Variants in RBFOX1 observed in about 807,000 individuals in gnomAD.
The protein encoded by RBFOX1 is RNA binding fox-1 homolog 1, also known as RNA binding protein fox-1 homolog 1.
A neutral mutation model predicts 57.7 loss-of-function variants in RBFOX1; 8 were observed. The observed-to-expected ratio is 0.14, with a 90% CI of 0.08 to 0.25. The LOEUF is 0.25. Among genes scored for constraint, RBFOX1 ranks in the 10% least tolerant of loss-of-function variants. The probability of loss-of-function intolerance (pLI) is 1.00; values close to 1 mark genes in which losing one functional copy is unlikely to be tolerated. For missense variants in RBFOX1, 611 were observed against 548.5 expected (o/e 1.11, Z -1.14); for synonymous variants, 326 against 222.4 (o/e 1.47, Z -4.15).
chr16:7,067,433 C>G (rs1305426517), intron 4 of RBFOX1, among the ~76,000 whole-genome samples: 1 of 151,044 alleles, frequency 6.6e-6, no homozygotes, highest in East Asian at 1.9e-4. Flanking sequence ...TTTGGAGGCT[C>G]TAGGAGAGAA....
At chr16:6,139,870 G>C (rs2096701231) in intron 1 of RBFOX1, among the ~76,000 whole-genome samples, 1 of 152,154 alleles carries the variant, frequency 6.6e-6, no homozygotes, top group Non-Finnish European at 1.5e-5. Flanking sequence ...GAAAAGGGTG[G>C]ACAAAGGAAA....
intron 4 of RBFOX1, chr16:7,304,606 C>T (rs1249825707): frequency 1.6e-5 from 16 of 983,256 alleles, no homozygotes; most frequent in Non-Finnish European, 1.9e-5. Context: ...TCCCGCGTTG[C>T]GATGGAAAGG....
intron 4 of RBFOX1, among the ~76,000 whole-genome samples, chr16:7,405,358 C>A (rs530108979): frequency 9.2e-5 from 14 of 152,216 alleles, no homozygotes; most frequent in African/African-American, 3.4e-4. Context: ...TTAGCAGATG[C>A]AGCAGTTCAC....
At chr16:7,310,606 C>G (rs1032265353) in intron 4 of RBFOX1, among the ~76,000 whole-genome samples, 3 of 152,218 alleles carry the variant, frequency 2.0e-5, no homozygotes, top group African/African-American at 7.2e-5. Context: ...GGCACCACTT[C>G]CTAAGTCCTG....
intron 3 of RBFOX1, among the ~76,000 whole-genome samples, chr16:6,941,915 C>G (rs1368489411): frequency 6.6e-6 from 1 of 152,058 alleles, no homozygotes; most frequent in Non-Finnish European, 1.5e-5. Context: ...TCAAGCAGTC[C>G]TCCCGCTTCA....
At chr16:6,678,475 G>C (rs1042222174) in intron 3 of RBFOX1, among the ~76,000 whole-genome samples, 2 of 151,626 alleles carry the variant, frequency 1.3e-5, no homozygotes, top group Non-Finnish European at 2.9e-5. Flanking sequence ...CTGTGTGCGT[G>C]TATGGGTCCT....
chr16:7,596,253 C>G (rs747079749), intron 8 of RBFOX1, among the ~76,000 whole-genome samples: 3 of 149,552 alleles, frequency 2.0e-5, no homozygotes, highest in Non-Finnish European at 3.0e-5. Flanking sequence ...ATTTCCTGTT[C>G]AATATCTGGC....
At chr16:5,526,405 C>T (rs1397942097) in intron 2 of RBFOX1, among the ~76,000 whole-genome samples, 1 of 152,154 alleles carries the variant, frequency 6.6e-6, no homozygotes, top group African/African-American at 2.4e-5. Context: ...TCTCATGCTT[C>T]AGCCTCCCAA....
chr16:6,255,420 G>A (rs555987981), intron 1 of RBFOX1, among the ~76,000 whole-genome samples: 5 of 152,304 alleles, frequency 3.3e-5, no homozygotes, highest in African/African-American at 1.2e-4. Context: ...AGGACAGGAG[G>A]AGAGTGGAGG....
At chr16:6,618,285 G>T (rs180860906) in intron 2 of RBFOX1, among the ~76,000 whole-genome samples, 1 of 152,064 alleles carries the variant, frequency 6.6e-6, no homozygotes, top group Non-Finnish European at 1.5e-5. Flanking sequence ...CAACAAAACC[G>T]TTCATTGTAA....
chr16:6,285,825 C>A (rs1004980104), intron 1 of RBFOX1, among the ~76,000 whole-genome samples: 10 of 152,138 alleles, frequency 6.6e-5, no homozygotes, highest in African/African-American at 2.4e-4. Flanking sequence ...CATCGGATCC[C>A]ATCCAGAAGC....
At position 7,419,386 on chromosome 16, in the gene RBFOX1, A is replaced by C. The variant is rs11859151; in HGVS notation, c.28-98761A>C. 3.7e-3 allele frequency among the ~76,000 whole-genome samples: 561 copies of C among 152,284 alleles called. 1 individual carries two copies. The highest frequency in any genetic ancestry group is 0.012 in the African/African-American group (508 of 41,562). On this transcript the variant is annotated intron_variant, in intron 4 of 15. Coordinates refer to ENST00000550418, the MANE Select transcript of RBFOX1 (RefSeq NM_018723.4). ...TCTCCACTGTCTCTCATCTGAATTT[A>C]AGCTGGACACCTCGCTTGTGAATGC...
At chr16:5,295,625 C>T (rs1248777622) in intron 1 of RBFOX1, among the ~76,000 whole-genome samples, 1 of 152,186 alleles carries the variant, frequency 6.6e-6, no homozygotes, top group Non-Finnish European at 1.5e-5. Context: ...CCACGTGGGC[C>T]TCTCCATCTG....
intron 4 of RBFOX1, among the ~76,000 whole-genome samples, chr16:7,129,764 C>T (rs1447562228): frequency 7.2e-6 from 1 of 138,908 alleles, no homozygotes; most frequent in East Asian, 2.2e-4. Flanking sequence ...CACGACAACT[C>T]CTAGCTGCAA....
intron 4 of RBFOX1, among the ~76,000 whole-genome samples, chr16:7,437,478 G>T (rs1005828349): frequency 6.6e-6 from 1 of 152,110 alleles, no homozygotes; most frequent in Admixed American, 6.5e-5. Flanking sequence ...AATTGTTGAC[G>T]TTCCATGCAG....
In RBFOX1 at chr16:7,055,279, A is replaced by G. The variant is rs181060600; in HGVS notation, c.27+3181A>G. 2.8e-4 allele frequency among the ~76,000 whole-genome samples: 43 copies of G among 152,244 alleles called. 1 individual carries two copies. The highest frequency in any genetic ancestry group is 1.0e-3 in the African/African-American group (43 of 41,550). Reference sequence around the variant, plus strand: ...TTTGTTTATAGAACATACTCTTGAGATCATATCAGTATTATCAGTTAAGAT... The same window carrying G: ...TTTGTTTATAGAACATACTCTTGAGGTCATATCAGTATTATCAGTTAAGAT... On this transcript the variant is annotated intron_variant, in intron 4 of 15. Transcript: ENST00000550418.
chr16:6,982,993 TAAAAAAAAAA>T (rs370173635), intron 3 of RBFOX1, among the ~76,000 whole-genome samples: 35 of 79,360 alleles, frequency 4.4e-4, no homozygotes, highest in African/African-American at 1.6e-3. Context: ...AGACTCTGTC[TAAAAAAAAAA>T]AAAAAAAAAA....
intron 4 of RBFOX1, among the ~76,000 whole-genome samples, chr16:7,187,018 A>G (rs1006877638): frequency 6.7e-5 from 9 of 134,268 alleles, no homozygotes; most frequent in African/African-American, 2.3e-4. Flanking sequence ...AAAAAAAAAA[A>G]TTCAGAAATT....
chr16:7,694,237 C>T (rs1311655262), intron 14 of RBFOX1, among the ~76,000 whole-genome samples: 3 of 152,212 alleles, frequency 2.0e-5, no homozygotes, highest in Admixed American at 6.5e-5. Flanking sequence ...CTTATCACTA[C>T]ATAACTGAGC....
Sources: allele counts gnomAD v4.1 joint callset (sites outside exome capture counted in the v4.1 genomes callset), GRCh38; gene constraint gnomAD v4.1.1; transcripts MANE v1.5; gene names NCBI Gene and HGNC (gene_info 2026-07-23, HGNC 2026-07-21).